CASD1: variants seen among roughly 807,000 people sequenced by gnomAD.
The protein encoded by CASD1 is CAS1 domain sialic acid O acetyltransferase 1.
In CASD1, 41 loss-of-function variants were observed where a neutral mutation model predicts 100.0. The observed-to-expected ratio is 0.41, with a 90% CI of 0.32 to 0.53. CASD1 has a LOEUF of 0.53. CASD1 is among the 20% of genes least tolerant of loss of function. The pLI is 0.25. For synonymous variants in CASD1, 321 were observed against 315.6 expected, an observed-to-expected ratio of 1.02 and a Z score of -0.18; for missense variants, 774 against 948.7, an observed-to-expected ratio of 0.82 and a Z score of 2.42.
chr7:94,614,945 A>G, the CASD1 span, among the ~76,000 whole-genome samples: 12 of 152,238 alleles, frequency 7.9e-5, no homozygotes, highest in Non-Finnish European at 1.2e-4. Flanking sequence ...TTTTTTTGTT[A>G]TAAAAATTGA....
chr7:94,606,909 A>C, the CASD1 span, among the ~76,000 whole-genome samples: 1 of 152,170 alleles, frequency 6.6e-6, no homozygotes, highest in Non-Finnish European at 1.5e-5. Flanking sequence ...AAATATTCTG[A>C]ATTAAATAAA....
intron 5 of CASD1, among the ~76,000 whole-genome samples, chr7:94,532,873 A>T (rs1367369010): frequency 6.6e-6 from 1 of 152,132 alleles, no homozygotes; most frequent in Non-Finnish European, 1.5e-5. Context: ...GACATAATAC[A>T]CTAGAGCTTT....
chr7:94,548,236 A>G (rs950407689), intron 13 of CASD1, among the ~76,000 whole-genome samples: 5 of 151,842 alleles, frequency 3.3e-5, no homozygotes, highest in Non-Finnish European at 7.4e-5. Flanking sequence ...CTGGACAAGA[A>G]CAAAAAGCCC....
chr7:94,520,079 A>G (rs1794186774), intron 3 of CASD1, among the ~76,000 whole-genome samples: 1 of 152,180 alleles, frequency 6.6e-6, no homozygotes, highest in Non-Finnish European at 1.5e-5. Context: ...AGACAAGATT[A>G]ATTTATATGC....
At chr7:94,522,499 C>T (rs1218642923) in intron 3 of CASD1, among the ~76,000 whole-genome samples, 1 of 152,106 alleles carries the variant, frequency 6.6e-6, no homozygotes, top group East Asian at 1.9e-4. Context: ...GCATACTGCT[C>T]TCAGTTAATG....
At chr7:94,561,112 T>C (rs945082959), downstream of CASD1, among the ~76,000 whole-genome samples, 1 of 151,936 alleles carries the variant, frequency 6.6e-6, no homozygotes, top group African/African-American at 2.4e-5. Flanking sequence ...CCAGGTGTGG[T>C]GGTGGGGGCC....
At chr7:94,527,491 T>C (rs1794633836) in intron 4 of CASD1, among the ~76,000 whole-genome samples, 1 of 152,098 alleles carries the variant, frequency 6.6e-6, no homozygotes, top group African/African-American at 2.4e-5. Flanking sequence ...TCAGTGAGGA[T>C]CAAGACAAAA....
the CASD1 span, chr7:94,617,605 A>G: frequency 6.6e-6 from 1 of 152,220 alleles, no homozygotes; most frequent in Admixed American, 6.5e-5. Context: ...AAGCTCTAGA[A>G]TTATGTTTTC....
At chr7:94,565,223 C>G in the CASD1 span, among the ~76,000 whole-genome samples, 2 of 152,002 alleles carry the variant, frequency 1.3e-5, no homozygotes, top group East Asian at 3.9e-4. Context: ...GCCTATCAAC[C>G]CATTGTGAAT....
chr7:94,518,967 G>A, intron 3 of CASD1, among the ~76,000 whole-genome samples: 1 of 151,942 alleles, frequency 6.6e-6, no homozygotes, highest in South Asian at 2.1e-4. Flanking sequence ...CAAATATTAG[G>A]TTAAAGAACA....
At chr7:94,545,077 C>T (rs185284421) in intron 11 of CASD1, among the ~76,000 whole-genome samples, 1 of 152,110 alleles carries the variant, frequency 6.6e-6, no homozygotes, top group African/African-American at 2.4e-5. Context: ...TCTGAAATGA[C>T]TCTTATTAAA....
chr7:94,539,192 G>T, intron 10 of CASD1, 136 bp downstream of exon 10: 1 of 429,354 alleles, frequency 2.3e-6, no homozygotes, highest in Non-Finnish European at 4.1e-6. Flanking sequence ...TAATCTTTCC[G>T]CCTTTCCATT....
At chr7:94,553,576 T>A (rs1008409719) in intron 16 of CASD1, among the ~76,000 whole-genome samples, 5 of 152,168 alleles carry the variant, frequency 3.3e-5, no homozygotes, top group African/African-American at 1.2e-4. Flanking sequence ...GATTTGTCAA[T>A]CCTTTTGTAA....
At chr7:94,582,530 C>G in the CASD1 span, among the ~76,000 whole-genome samples, 1 of 152,026 alleles carries the variant, frequency 6.6e-6, no homozygotes, top group African/African-American at 2.4e-5. Context: ...AATTTAAGTT[C>G]CTTATAGATG....
At chr7:94,534,622 TA>T (rs1795028689) in intron 7 of CASD1, among the ~76,000 whole-genome samples, 1 of 152,202 alleles carries the variant, frequency 6.6e-6, no homozygotes, top group South Asian at 2.1e-4. Context: ...GTCCATTATT[TA>T]ATGCCTAGCA....
At position 94,527,122 on chromosome 7, in the gene CASD1, A is replaced by C. The variant is rs550625337; in HGVS notation, c.352-40A>C. On this transcript the variant is annotated intron_variant, in intron 3 of 17. Transcript: ENST00000297273. ...AATGGGGCATTTTTTATATAAATTT[A>C]ATCTATACATTAATATTTCTCTGTC... 6 of 1,477,460 alleles carry C rather than the reference A, an allele frequency of 4.1e-6. No individual in the cohort carries two copies. The South Asian group carries it at 7.2e-5, about 18-fold the overall frequency. The allele number at this position is 1,477,460 out of a possible 1,614,324, so 91.5% of individuals were successfully genotyped here.
At chr7:94,621,324 G>A in the CASD1 span, 10 of 152,306 alleles carry the variant, frequency 6.6e-5, no homozygotes, top group Admixed American at 2.0e-4. Context: ...AGAGGAACAA[G>A]CACTGCCTGG....
At chr7:94,580,648 A>G in the CASD1 span, among the ~76,000 whole-genome samples, 9 of 152,322 alleles carry the variant, frequency 5.9e-5, no homozygotes, top group East Asian at 1.4e-3. Context: ...CCTTTGTTCC[A>G]ACAGATGGCC....
intron 10 of CASD1, among the ~76,000 whole-genome samples, chr7:94,544,168 G>A (rs1437249725): frequency 6.6e-6 from 1 of 152,186 alleles, no homozygotes; most frequent in African/African-American, 2.4e-5. Flanking sequence ...TTGCAAATTA[G>A]AAAACTCAAA....
Sources: gnomAD v4.1 joint callset for allele counts (sites outside exome capture counted in the v4.1 genomes callset) on GRCh38, gnomAD v4.1.1 for gene constraint, MANE v1.5 for transcripts, NCBI Gene and HGNC (gene_info 2026-07-23, HGNC 2026-07-21) for gene names.